The following RCBTB1 variants were observed in gnomAD, a reference collection of about 807,000 sequenced individuals.
RCBTB1 encodes the protein RCC1 and BTB domain-containing protein 1.
In RCBTB1, 46 loss-of-function variants were observed where a neutral mutation model predicts 62.4. The observed-to-expected ratio is 0.74, with a 90% CI of 0.58 to 0.94. RCBTB1 has a LOEUF of 0.94. Ranked by LOEUF, RCBTB1 falls within the 40% of genes least tolerant of loss-of-function variation. The pLI, the probability that RCBTB1 is intolerant of heterozygous loss-of-function variation, is 0.00. For synonymous variants in RCBTB1, 222 were observed against 245.8 expected, an observed-to-expected ratio of 0.90 and a Z score of 0.91; for missense variants, 565 against 654.9, an observed-to-expected ratio of 0.86 and a Z score of 1.50.
intron 6 of RCBTB1, among the ~76,000 whole-genome samples, chr13:49,555,040 T>C (rs973006496): frequency 6.6e-6 from 1 of 151,002 alleles, no homozygotes; most frequent in African/African-American, 2.4e-5. Context: ...AAAGGGACAG[T>C]TGTTAAAAGT....
chr13:49,553,276 T>C (rs1961535810), intron 6 of RCBTB1, among the ~76,000 whole-genome samples: 1 of 152,168 alleles, frequency 6.6e-6, no homozygotes, highest in South Asian at 2.1e-4. Context: ...ATTAATTTAA[T>C]TTGTATTTTT....
intron 1 of RCBTB1, among the ~76,000 whole-genome samples, chr13:49,581,420 A>T (rs185261453): frequency 6.6e-6 from 1 of 152,362 alleles, no homozygotes. Flanking sequence ...GCTGCCACTC[A>T]CTACAGCAGA....
rs1178038658 is a variant in RCBTB1 at position 49,537,299 on chromosome 13, AAAG to A, written c.1456-3040_1456-3038del. On this transcript the variant is annotated intron_variant, in intron 12 of 12. Coordinates refer to ENST00000378302, the MANE Select transcript of RCBTB1 (RefSeq NM_018191.4). ...CATCAAGTACAAAATATTCCAAATC[AAAG>A]AAGTTTTGTTTTGTTCTCAAAATGT... 4.6e-5 allele frequency among the ~76,000 whole-genome samples: 7 copies of A among 152,246 alleles called. No homozygotes were observed. The East Asian group carries it at 9.6e-4, about 21-fold the overall frequency.
intron 2 of RCBTB1, among the ~76,000 whole-genome samples, chr13:49,572,774 G>T (rs530567477): frequency 1.3e-5 from 2 of 152,248 alleles, no homozygotes; most frequent in South Asian, 4.1e-4. Flanking sequence ...ACTGTCCTGA[G>T]TGATAAGAGT....
At chr13:49,534,944 G>A (rs1959824188) in intron 12 of RCBTB1, among the ~76,000 whole-genome samples, 1 of 152,158 alleles carries the variant, frequency 6.6e-6, no homozygotes, top group African/African-American at 2.4e-5. Context: ...TGAGACAGGA[G>A]AATCGTTTGA....
At chr13:49,548,400 A>G (rs1961012583) in intron 9 of RCBTB1, among the ~76,000 whole-genome samples, 1 of 151,652 alleles carries the variant, frequency 6.6e-6, no homozygotes, top group Non-Finnish European at 1.5e-5. Context: ...AAAAAAAAAA[A>G]AAAAAGAAAA....
intron 1 of RCBTB1, among the ~76,000 whole-genome samples, chr13:49,584,691 G>T (rs1774594417): frequency 6.6e-6 from 1 of 152,198 alleles, no homozygotes; most frequent in African/African-American, 2.4e-5. Context: ...AAGCAAGGAA[G>T]ATCATGAATC....
chr13:49,540,492 C>T (rs1212903066), intron 12 of RCBTB1, among the ~76,000 whole-genome samples: 1 of 152,208 alleles, frequency 6.6e-6, no homozygotes, highest in Non-Finnish European at 1.5e-5. Context: ...ACATCCCCAG[C>T]TTATGACAGG....
At position 49,565,269 on chromosome 13, in the gene RCBTB1, G is replaced by A. The variant is rs56225299; in HGVS notation, c.277+1349C>T. On this transcript the variant is annotated intron_variant, in intron 4 of 12. Transcript: ENST00000378302. Reference sequence around the variant, plus strand: ...TAACCGCGAGTGATCTGCCAGCCTCGGCCTCCCGAGGTGCCGAGATTGCAG... The same window carrying A: ...TAACCGCGAGTGATCTGCCAGCCTCAGCCTCCCGAGGTGCCGAGATTGCAG... 2.2e-3 allele frequency among the ~76,000 whole-genome samples: 331 copies of A among 152,252 alleles called. 1 individual carries two copies. Among genetic ancestry groups the A allele is most frequent in the African/African-American group, 7.6e-3 (316 of 41,546 alleles).
chr13:49,551,416 T>C lies in RCBTB1; in HGVS notation c.764A>G (p.Tyr255Cys). 1 of 1,614,210 alleles carries C rather than the reference T, an allele frequency of 6.2e-7. No homozygotes were observed. Among genetic ancestry groups the C allele is most frequent in the Middle Eastern group, 1.6e-4 (1 of 6,062 alleles). ...CCCATATGTGTTAGCTCCCCAGGCA[T>C]ACAGCAAGCCCTCATCTGTTAGTGC... ...TLALTDEGLLYAWGANTYGQL... is the reference protein window; with the variant it reads ...TLALTDEGLLCAWGANTYGQL... The change falls in exon 8 of 13, where the codon TAT becomes TGT. Residue 255 changes from tyrosine (Y) to cysteine (C), a missense_variant. Transcript: ENST00000378302.
At chr13:49,546,262 T>A in intron 9 of RCBTB1, 2 of 985,322 alleles carry the variant, frequency 2.0e-6, no homozygotes, top group East Asian at 2.3e-4. Flanking sequence ...AGAGAAGAAA[T>A]CCTCCTCAAA....
chr13:49,561,636 C>T (rs952414358), intron 4 of RCBTB1, among the ~76,000 whole-genome samples: 1 of 151,960 alleles, frequency 6.6e-6, no homozygotes, highest in African/African-American at 2.4e-5. Context: ...GTTTTTCCTA[C>T]ATAAACTTAT....
chr13:49,534,319 ATTAC>A, intron 12 of RCBTB1, 57 bp from the exon 13 acceptor site: 1 of 1,560,298 alleles, frequency 6.4e-7, no homozygotes, highest in Non-Finnish European at 8.7e-7. Context: ...CTTTGATTGA[ATTAC>A]TTCTCTCTGA....
chr13:49,585,282 C>T (rs1236214405), intron 1 of RCBTB1, among the ~76,000 whole-genome samples, 162 bp downstream of exon 1: 1 of 152,166 alleles, frequency 6.6e-6, no homozygotes, highest in Non-Finnish European at 1.5e-5. Flanking sequence ...ATCCCTCGCC[C>T]CGGACGCAGC....
At chr13:49,571,260 C>T (rs1427436641) in intron 2 of RCBTB1, among the ~76,000 whole-genome samples, 1 of 152,004 alleles carries the variant, frequency 6.6e-6, no homozygotes, top group Non-Finnish European at 1.5e-5. Flanking sequence ...GCAGGAGAAT[C>T]GCTTGAACCT....
At chr13:49,584,821 A>T (rs1361013569) in intron 1 of RCBTB1, among the ~76,000 whole-genome samples, 1 of 152,232 alleles carries the variant, frequency 6.6e-6, no homozygotes, top group African/African-American at 2.4e-5. Flanking sequence ...AAGGCCACTT[A>T]TGCGAGCAGA....
At chr13:49,565,542 C>G (rs1962886269) in intron 4 of RCBTB1, among the ~76,000 whole-genome samples, 1 of 145,730 alleles carries the variant, frequency 6.9e-6, no homozygotes, top group South Asian at 2.2e-4. Flanking sequence ...GCGCCTCTTC[C>G]CGGCCGCCAC....
At chr13:49,541,476 A>C (rs565896932) in intron 11 of RCBTB1, among the ~76,000 whole-genome samples, 200 bp downstream of exon 11, 1 of 152,208 alleles carries the variant, frequency 6.6e-6, no homozygotes, top group African/African-American at 2.4e-5. Context: ...AGAACAAAAA[A>C]GCCTATGGTC....
At chr13:49,559,587 C>T (rs914127400) in intron 5 of RCBTB1, among the ~76,000 whole-genome samples, 7 of 141,488 alleles carry the variant, frequency 4.9e-5, no homozygotes, top group South Asian at 4.5e-4. Context: ...ACCCGGGAGG[C>T]GGAGCTTGCA....
Sources: gnomAD v4.1 joint callset for allele counts (sites outside exome capture counted in the v4.1 genomes callset) on GRCh38, gnomAD v4.1.1 for gene constraint, MANE v1.5 for transcripts, NCBI Gene and HGNC (gene_info 2026-07-23, HGNC 2026-07-21) for gene names.